The following INPP4B variants were observed in gnomAD, a reference collection of about 807,000 sequenced individuals.
The protein encoded by INPP4B is inositol polyphosphate 4-phosphatase type II.
A neutral mutation model predicts 122.5 loss-of-function variants in INPP4B; 55 were observed. The ratio of observed to expected loss-of-function variants is 0.45; its 90% confidence interval spans 0.36 to 0.56. INPP4B has a LOEUF of 0.56. Ranked by LOEUF, INPP4B falls within the 20% of genes least tolerant of loss-of-function variation. The probability of loss-of-function intolerance (pLI) is 0.00; values close to 1 mark genes in which losing one functional copy is unlikely to be tolerated. For missense variants in INPP4B, 1,000 were observed against 1,097.7 expected, an observed-to-expected ratio of 0.91 and a Z score of 1.26; for synonymous variants, 403 against 388.7, an observed-to-expected ratio of 1.04 and a Z score of -0.43.
chr4:142,374,425 T>C (rs929568796), intron 7 of INPP4B, among the ~76,000 whole-genome samples: 4 of 151,944 alleles, frequency 2.6e-5, no homozygotes, highest in African/African-American at 9.7e-5. Flanking sequence ...TTTTGGAAGA[T>C]GTAGAATAGA....
chr4:142,638,877 G>A (rs190489614), intron 2 of INPP4B, among the ~76,000 whole-genome samples: 15 of 152,164 alleles, frequency 9.9e-5, no homozygotes, highest in East Asian at 7.7e-4. Context: ...AAAGCTTCTC[G>A]TTTTCACCAT....
intron 3 of INPP4B, among the ~76,000 whole-genome samples, chr4:142,434,456 T>C (rs1810000332): frequency 6.6e-6 from 1 of 152,136 alleles, no homozygotes; most frequent in Admixed American, 6.5e-5. Context: ...CATTGAACTT[T>C]CTACCGGGGG....
intron 8 of INPP4B, among the ~76,000 whole-genome samples, chr4:142,306,719 C>T (rs557977026): frequency 3.9e-5 from 6 of 152,202 alleles, no homozygotes; most frequent in South Asian, 2.1e-4. Context: ...TGGTAAAACA[C>T]GCTGGTCGTG....
intron 25 of INPP4B, among the ~76,000 whole-genome samples, chr4:142,065,352 A>G (rs970709592): frequency 2.0e-5 from 3 of 152,130 alleles, no homozygotes; most frequent in African/African-American, 7.2e-5. Context: ...TAGTCTCTAC[A>G]AAAAGGAAAC....
Position 142,293,041 on chromosome 4 carries a change from T to C in INPP4B, c.503+12417A>G, listed in dbSNP as rs867493905. ...AGGTAATTACCTAATTTTTATACCC[T>C]TTTTTTTTTTTTTTAAGACAGAGTC... On this transcript the variant is annotated intron_variant, in intron 9 of 25. Coordinates refer to ENST00000262992, the MANE Select transcript of INPP4B (RefSeq NM_001101669.3). Among the ~76,000 whole-genome samples, 94 of 11,618 alleles carry C rather than the reference T, an allele frequency of 8.1e-3. 2 individuals are homozygous for C. Among genetic ancestry groups the C allele is most frequent in the Middle Eastern group, 0.045 (2 of 44 alleles). The allele number at this position is 11,618 out of a possible 152,430, so 7.6% of individuals were successfully genotyped here.
intron 1 of INPP4B, among the ~76,000 whole-genome samples, chr4:142,781,552 T>C (rs900513259): frequency 2.0e-5 from 3 of 152,178 alleles, no homozygotes; most frequent in Non-Finnish European, 2.9e-5. Context: ...ATCGATAATA[T>C]AAAAACATGA....
chr4:142,289,093 G>C (rs1175330350), intron 9 of INPP4B, among the ~76,000 whole-genome samples: 3 of 152,172 alleles, frequency 2.0e-5, no homozygotes, highest in Non-Finnish European at 2.9e-5. Flanking sequence ...TTCTGGTATT[G>C]TTTAATAAAT....
chr4:142,047,324 G>T (rs1307093728), intron 25 of INPP4B, among the ~76,000 whole-genome samples: 3 of 152,072 alleles, frequency 2.0e-5, no homozygotes, highest in African/African-American at 7.2e-5. Context: ...ACATCAGTCA[G>T]AAATGACATT....
At chr4:142,462,979 A>G (rs1052650941) in intron 2 of INPP4B, among the ~76,000 whole-genome samples, 4 of 152,222 alleles carry the variant, frequency 2.6e-5, no homozygotes, top group Non-Finnish European at 4.4e-5. Context: ...AAGTGTGCCA[A>G]GTACTATCCT....
At chr4:142,660,585 T>C (rs1754991752) in intron 2 of INPP4B, among the ~76,000 whole-genome samples, 1 of 152,094 alleles carries the variant, frequency 6.6e-6, no homozygotes, top group Non-Finnish European at 1.5e-5. Context: ...GCCTTAGGAC[T>C]GGGCCCAGGG....
intron 7 of INPP4B, among the ~76,000 whole-genome samples, chr4:142,397,744 C>T (rs1345722634): frequency 6.6e-6 from 1 of 152,002 alleles, no homozygotes; most frequent in African/African-American, 2.4e-5. Flanking sequence ...GAGGCTGAGG[C>T]AGGGGAATCA....
intron 2 of INPP4B, among the ~76,000 whole-genome samples, chr4:142,466,130 A>G (rs926472319): frequency 1.3e-5 from 2 of 152,200 alleles, no homozygotes; most frequent in African/African-American, 4.8e-5. Flanking sequence ...GAAGTGGATA[A>G]TGGGCAGAAG....
At chr4:142,257,611 T>G (rs1446544093) in intron 11 of INPP4B, among the ~76,000 whole-genome samples, 2 of 152,062 alleles carry the variant, frequency 1.3e-5, no homozygotes, top group African/African-American at 4.8e-5. Context: ...CACAATTGCT[T>G]CAAAGAGAAT....
At position 142,028,055 on chromosome 4, in the gene INPP4B, T is replaced by G. The variant is rs972222413; in HGVS notation, c.*727A>C. On this transcript the variant is annotated 3_prime_UTR_variant, in exon 26 of 26. Coordinates refer to ENST00000262992, the MANE Select transcript of INPP4B (RefSeq NM_001101669.3). Reference sequence around the variant, plus strand: ...TGTAATTTTAGATCATTGCAGTGTTTTGCTTATCATTCTATTAAACGTTCT... The same window carrying G: ...TGTAATTTTAGATCATTGCAGTGTTGTGCTTATCATTCTATTAAACGTTCT... 6.8e-5 allele frequency: 15 copies of G among 219,678 alleles called. No homozygotes were observed. Among genetic ancestry groups the G allele is most frequent in the African/African-American group, 3.1e-4 (14 of 44,640 alleles). 13.6% of individuals were successfully genotyped at this position (219,678 alleles called of 1,614,324 possible).
At chr4:142,673,980 C>T (rs984984369) in intron 2 of INPP4B, among the ~76,000 whole-genome samples, 1 of 152,070 alleles carries the variant, frequency 6.6e-6, no homozygotes, top group Admixed American at 6.6e-5. Context: ...TAGATGCATC[C>T]TTCTCTTGGC....
intron 2 of INPP4B, among the ~76,000 whole-genome samples, chr4:142,472,371 A>G (rs1345530894): frequency 3.3e-5 from 5 of 151,944 alleles, no homozygotes; most frequent in African/African-American, 7.2e-5. Context: ...CTGCTATTTC[A>G]ATTACCTTTA....
Position 142,227,856 on chromosome 4 carries a change from T to TG in INPP4B, c.836+10007_836+10008insC, listed in dbSNP as rs71586267. On this transcript the variant is annotated intron_variant, in intron 12 of 25. Transcript: ENST00000262992. ...CTGGGCAACAGAGGGAGACTCTATC[T>TG]AAAAAAAAAAAAAAAAAAAAAAAAG... Among the ~76,000 whole-genome samples the TG allele has an allele frequency of 1.5e-4, 5 of 34,228 alleles. No homozygotes were observed. In the East Asian group the frequency reaches 4.7e-3, roughly 32 times the overall value. 22.5% of individuals were successfully genotyped at this position (34,228 alleles called of 152,430 possible).
chr4:142,280,789 T>C (rs1014143160), intron 9 of INPP4B, among the ~76,000 whole-genome samples: 1 of 151,992 alleles, frequency 6.6e-6, no homozygotes, highest in Non-Finnish European at 1.5e-5. Flanking sequence ...AACCACATTA[T>C]TAAAATGTTA....
chr4:142,471,545 C>A lies in INPP4B; in HGVS notation c.-190-8819G>T, dbSNP rs529824982. On this transcript the variant is annotated intron_variant, in intron 2 of 25. Coordinates refer to ENST00000262992, the MANE Select transcript of INPP4B (RefSeq NM_001101669.3). Reference sequence around the variant, plus strand: ...TATATGGCCTAGGCTTTTCTGATACCATTGTTCAAGACTTCAGCTCAGAAA... The same window carrying A: ...TATATGGCCTAGGCTTTTCTGATACAATTGTTCAAGACTTCAGCTCAGAAA... Among the ~76,000 whole-genome samples the A allele has an allele frequency of 3.1e-4, 47 of 152,246 alleles. No homozygotes were observed. In the South Asian group the frequency reaches 4.2e-3, roughly 13 times the overall value.
Sources: allele counts gnomAD v4.1 joint callset (sites outside exome capture counted in the v4.1 genomes callset), GRCh38; gene constraint gnomAD v4.1.1; transcripts MANE v1.5; gene names NCBI Gene and HGNC (gene_info 2026-07-23, HGNC 2026-07-21).